Variants in NRG2 observed in about 807,000 individuals in gnomAD.
NRG2 encodes the protein pro-neuregulin-2, membrane-bound isoform.
NRG2 carries 27 observed loss-of-function variants against 73.9 expected under a neutral mutation model. That is an observed-to-expected ratio of 0.37 (90% CI 0.27 to 0.50). The LOEUF is 0.50. NRG2 is among the 20% of genes least tolerant of loss of function. NRG2 has a pLI of 0.96. For synonymous variants in NRG2, 532 were observed against 541.0 expected (o/e 0.98, Z 0.23); for missense variants, 1,126 against 1,210.1 (o/e 0.93, Z 1.03).
chr5:139,950,395 T>C (rs1289806899), intron 1 of NRG2, among the ~76,000 whole-genome samples: 2 of 152,226 alleles, frequency 1.3e-5, no homozygotes, highest in Non-Finnish European at 2.9e-5. Context: ...GTAGAACATT[T>C]AGCTTCTTTC....
chr5:140,035,017 T>G (rs1761403674), intron 1 of NRG2, among the ~76,000 whole-genome samples: 1 of 151,716 alleles, frequency 6.6e-6, no homozygotes, highest in African/African-American at 2.4e-5. Context: ...AGCTCAGGAG[T>G]TCAAGACCAG....
intron 1 of NRG2, among the ~76,000 whole-genome samples, chr5:139,924,863 G>T (rs1276468495): frequency 2.0e-5 from 3 of 152,198 alleles, no homozygotes; most frequent in Admixed American, 2.0e-4. Context: ...TTGGAGCCTG[G>T]ATCTGAGGAA....
intron 1 of NRG2, among the ~76,000 whole-genome samples, chr5:140,039,474 A>T (rs554487903): frequency 5.1e-4 from 78 of 152,298 alleles, no homozygotes; most frequent in Middle Eastern, 3.4e-3. Flanking sequence ...AATGATACAC[A>T]TTAGATATGT....
Position 139,995,432 on chromosome 5 carries a change from G to T in NRG2, c.700+46938C>A, listed in dbSNP as rs184644881. Among the ~76,000 whole-genome samples the T allele has an allele frequency of 2.9e-3, 438 of 152,214 alleles. 1 individual carries two copies. The highest frequency in any genetic ancestry group is 5.0e-3 in the Admixed American group (77 of 15,288). On this transcript the variant is annotated intron_variant, in intron 1 of 9. Transcript: ENST00000361474. Reference sequence around the variant, plus strand: ...AGTGGATTTAAAAAAAAATAGAGCCGCCACAGACGCAGACGGGCAGTTCAG... The same window carrying T: ...AGTGGATTTAAAAAAAAATAGAGCCTCCACAGACGCAGACGGGCAGTTCAG...
In NRG2 at chr5:140,019,083, C is replaced by T. The variant is rs143122150; in HGVS notation, c.700+23287G>A. On this transcript the variant is annotated intron_variant, in intron 1 of 9. Coordinates refer to ENST00000361474, the MANE Select transcript of NRG2 (RefSeq NM_004883.3). ...CACTTAGCAGGCTGCCTATAATAAG[C>T]AAATGACATAAGAAAAATAAACACA... Among the ~76,000 whole-genome samples, 795 of 152,262 alleles carry T rather than the reference C, an allele frequency of 5.2e-3. 3 individuals carry two copies. Among genetic ancestry groups the T allele is most frequent in the Admixed American group, 0.011 (169 of 15,292 alleles).
At chr5:139,857,161 C>G (rs1761861562) in intron 5 of NRG2, among the ~76,000 whole-genome samples, 1 of 152,202 alleles carries the variant, frequency 6.6e-6, no homozygotes, top group Non-Finnish European at 1.5e-5. Context: ...TCTCTCTGTC[C>G]TACTTCATTG....
chr5:139,883,742 C>T (rs998303062), intron 2 of NRG2, among the ~76,000 whole-genome samples: 5 of 152,146 alleles, frequency 3.3e-5, no homozygotes, highest in African/African-American at 1.2e-4. Flanking sequence ...GCGCCTTGGT[C>T]GCAGGGAGTC....
chr5:140,015,820 C>T (rs1219356448), intron 1 of NRG2, among the ~76,000 whole-genome samples: 1 of 152,198 alleles, frequency 6.6e-6, no homozygotes, highest in Non-Finnish European at 1.5e-5. Flanking sequence ...ACGGTGATCT[C>T]AAAAGTAACA....
At position 139,848,410 on chromosome 5, in the gene NRG2, C is replaced by T. The variant is rs1407967982; in HGVS notation, c.2060G>A (p.Arg687Gln). 2.8e-5 allele frequency: 35 copies of T among 1,268,596 alleles called. No homozygotes were observed. Among genetic ancestry groups the T allele is most frequent in the Admixed American group, 8.6e-5 (2 of 23,184 alleles). The allele number at this position is 1,268,596 out of a possible 1,614,324, so 78.6% of individuals were successfully genotyped here. A position where few individuals can be genotyped will look rare whatever the true frequency, so the allele number is the denominator to read the frequency against. Residue 687 changes from arginine to glutamine, a missense_variant, in exon 10 of 10, where the codon CGG becomes CAG. Coordinates refer to ENST00000361474, the MANE Select transcript of NRG2 (RefSeq NM_004883.3). ...YYYPAAGPGP[R>Q]RGTCALGGSL... The stretch of plus-strand genomic sequence containing the variant: ...GCCGCCGAGCGCGCAGGTCCCGCGC[C>T]GCGGTCCGGGCCCCGCCGCGGGGTA...
At chr5:139,859,985 G>A in intron 5 of NRG2, 4 of 1,415,032 alleles carry the variant, frequency 2.8e-6, no homozygotes, top group Non-Finnish European at 3.0e-6. Context: ...GGGACAGGGG[G>A]AGAGAGAGAG....
In NRG2 at chr5:139,938,910, AAAG is replaced by A. The variant is rs1194015539; in HGVS notation, c.701-51402_701-51400del. ...AAAGAAAGAAAGAAAGAAAGAAAAG[AAAG>A]AAAGAAAGAAAGAAAGAAAGAAAGA... On this transcript the variant is annotated intron_variant, in intron 1 of 9. Transcript: ENST00000361474. Among the ~76,000 whole-genome samples the A allele has an allele frequency of 1.0e-4, 7 of 69,734 alleles. No homozygotes were observed. The South Asian group carries it at 1.3e-3, about 13-fold the overall frequency. 45.7% of individuals were successfully genotyped at this position (69,734 alleles called of 152,430 possible).
intron 1 of NRG2, among the ~76,000 whole-genome samples, chr5:139,896,372 G>A (rs754148875): frequency 7.2e-5 from 11 of 152,172 alleles, no homozygotes; most frequent in Non-Finnish European, 1.3e-4. Context: ...AGGCTCATGT[G>A]CTCACCATGG....
intron 1 of NRG2, among the ~76,000 whole-genome samples, chr5:139,983,513 T>G (rs1283226727): frequency 6.6e-6 from 1 of 152,222 alleles, no homozygotes; most frequent in African/African-American, 2.4e-5. Context: ...TTTCAGTCCC[T>G]CAGACGCTTC....
intron 1 of NRG2, among the ~76,000 whole-genome samples, chr5:139,903,925 C>T (rs181555789): frequency 1.3e-5 from 2 of 152,232 alleles, no homozygotes; most frequent in African/African-American, 4.8e-5. Flanking sequence ...TGACAGCTCC[C>T]GGAGCGCTCG....
At chr5:140,036,284 A>G (rs1235656725) in intron 1 of NRG2, among the ~76,000 whole-genome samples, 1 of 152,256 alleles carries the variant, frequency 6.6e-6, no homozygotes, top group East Asian at 1.9e-4. Flanking sequence ...GCTGATTAGC[A>G]GCAATTAATC....
chr5:139,913,597 C>T (rs1219562210), intron 1 of NRG2, among the ~76,000 whole-genome samples: 1 of 152,228 alleles, frequency 6.6e-6, no homozygotes, highest in Non-Finnish European at 1.5e-5. Flanking sequence ...GTGCCCTCTC[C>T]CCTGCTTTGC....
At chr5:139,982,495 G>A (rs909358611) in intron 1 of NRG2, among the ~76,000 whole-genome samples, 4 of 152,126 alleles carry the variant, frequency 2.6e-5, no homozygotes, top group Non-Finnish European at 5.9e-5. Context: ...CCTGTACCAC[G>A]TGACCTGGCA....
In NRG2 at chr5:139,929,256, C is replaced by G. The variant is rs546358486; in HGVS notation, c.701-41745G>C. On this transcript the variant is annotated intron_variant, in intron 1 of 9. Transcript: ENST00000361474. ...ACCTTACTTCCCAACATTTCTTATT[C>G]TGGCTCCTAGGCACCTCATGCCATA... 1.5e-3 allele frequency among the ~76,000 whole-genome samples: 228 copies of G among 152,332 alleles called. 2 individuals are homozygous for G. Among genetic ancestry groups the G allele is most frequent in the Non-Finnish European group, 2.8e-3 (192 of 68,028 alleles).
intron 1 of NRG2, among the ~76,000 whole-genome samples, chr5:139,921,431 A>G (rs1173944322): frequency 6.6e-6 from 1 of 152,260 alleles, no homozygotes; most frequent in Non-Finnish European, 1.5e-5. Flanking sequence ...AGAGCCCAGA[A>G]ATAGACCCAC....
Sources: allele counts gnomAD v4.1 joint callset (sites outside exome capture counted in the v4.1 genomes callset), GRCh38; gene constraint gnomAD v4.1.1; transcripts MANE v1.5; gene names NCBI Gene and HGNC (gene_info 2026-07-23, HGNC 2026-07-21).